Variants in ACSL5 observed in about 807,000 individuals in gnomAD.
ACSL5 encodes the protein long-chain-fatty-acid--CoA ligase 5.
In ACSL5, 50 loss-of-function variants were observed where a neutral mutation model predicts 84.9. That is an observed-to-expected ratio of 0.59 (90% CI 0.47 to 0.75). The LOEUF is 0.75. Among genes scored for constraint, ACSL5 ranks in the 30% least tolerant of loss-of-function variants. The probability of loss-of-function intolerance (pLI) is 0.00; values close to 1 mark genes in which losing one functional copy is unlikely to be tolerated. For synonymous variants in ACSL5, 280 were observed against 300.7 expected (o/e 0.93, Z 0.71); for missense variants, 775 against 830.4 (o/e 0.93, Z 0.82).
chr10:112,401,776 T>C (rs982015968), intron 3 of ACSL5, among the ~76,000 whole-genome samples: 11 of 137,558 alleles, frequency 8.0e-5, no homozygotes, highest in African/African-American at 2.6e-4. Context: ...TTCTTTCTTT[T>C]TCTTTCTTTC....
chr10:112,390,745 A>T (rs2133583403), intron 1 of ACSL5, among the ~76,000 whole-genome samples: 1 of 152,330 alleles, frequency 6.6e-6, no homozygotes, highest in South Asian at 2.1e-4. Flanking sequence ...CCATAAAAAG[A>T]AACGAAGTAC....
chr10:112,421,908 G>A (rs1844474401), intron 15 of ACSL5, 39 bp from the exon 16 acceptor site: 2 of 1,580,376 alleles, frequency 1.3e-6, no homozygotes, highest in Non-Finnish European at 1.7e-6. Flanking sequence ...TTATCACCAT[G>A]CAAGAGTTTC....
At chr10:112,380,529 C>T (rs929581405) in intron 1 of ACSL5, among the ~76,000 whole-genome samples, 1 of 151,880 alleles carries the variant, frequency 6.6e-6, no homozygotes, top group African/African-American at 2.4e-5. Context: ...CACCATTTCC[C>T]TCCCCTAAAT....
At chr10:112,410,433 T>A in intron 7 of ACSL5, 30 bp from the exon 8 acceptor site, 1 of 1,613,854 alleles carries the variant, frequency 6.2e-7, no homozygotes, top group Non-Finnish European at 8.5e-7. Context: ...TCAACTAATG[T>A]CTTTCTTTCT....
At chr10:112,407,158 G>T (rs139340903) in intron 5 of ACSL5, among the ~76,000 whole-genome samples, 1 of 152,006 alleles carries the variant, frequency 6.6e-6, no homozygotes, top group African/African-American at 2.4e-5. Context: ...CCTCCCCCTG[G>T]GTCCCTCCCA....
Position 112,399,055 on chromosome 10 carries a change from C to T in ACSL5, c.265+46C>T, listed in dbSNP as rs1463679997. The T allele has an allele frequency of 1.1e-5, 17 of 1,491,588 alleles. No homozygotes were observed. In the East Asian group the frequency reaches 3.6e-4, roughly 32 times the overall value. The allele number at this position is 1,491,588 out of a possible 1,614,324, so 92.4% of individuals were successfully genotyped here. A position where few individuals can be genotyped will look rare whatever the true frequency, so the allele number is the denominator to read the frequency against. ...TTGCCTGAAGAAGACAAGGTGAGGT[C>T]TGTGGCCCATCTCTCTTTCTCTGTC... On this transcript the variant is annotated intron_variant, in intron 3 of 20. Transcript: ENST00000354655.
At chr10:112,385,893 T>C (rs1056896438) in intron 1 of ACSL5, among the ~76,000 whole-genome samples, 3 of 152,208 alleles carry the variant, frequency 2.0e-5, no homozygotes, top group Non-Finnish European at 4.4e-5. Flanking sequence ...AGAAAATCTC[T>C]CCATACTTTT....
intron 1 of ACSL5, among the ~76,000 whole-genome samples, chr10:112,382,603 CTCCTGTAGCTTT>C (rs1173299895): frequency 6.6e-6 from 1 of 152,182 alleles, no homozygotes; most frequent in African/African-American, 2.4e-5. Context: ...TGAGCTCTGG[CTCCTGTAGCTTT>C]TCCTGTGCAA....
intron 3 of ACSL5, 126 bp from the exon 4 acceptor site, chr10:112,404,385 T>C: frequency 1.5e-6 from 1 of 688,768 alleles, no homozygotes; most frequent in Non-Finnish European, 2.5e-6. Flanking sequence ...CCTGGACATA[T>C]AATAGAAGCT....
intron 1 of ACSL5, among the ~76,000 whole-genome samples, chr10:112,391,127 C>T (rs1849553962): frequency 6.6e-6 from 1 of 152,038 alleles, no homozygotes; most frequent in Admixed American, 6.5e-5. Context: ...GCCTGTAATC[C>T]CAGCACTTTG....
intron 1 of ACSL5, among the ~76,000 whole-genome samples, chr10:112,390,061 T>C (rs907335502): frequency 6.6e-6 from 1 of 151,098 alleles, no homozygotes; most frequent in African/African-American, 2.4e-5. Context: ...AGACACCATA[T>C]CTAAAATAAA....
chr10:112,397,099 G>A (rs969944018), intron 2 of ACSL5, among the ~76,000 whole-genome samples: 9 of 151,910 alleles, frequency 5.9e-5, no homozygotes, highest in African/African-American at 2.2e-4. Flanking sequence ...TAGCTCCAGG[G>A]TCCATCCCAG....
intron 1 of ACSL5, among the ~76,000 whole-genome samples, chr10:112,380,715 A>C (rs1849333680): frequency 6.6e-6 from 1 of 152,210 alleles, no homozygotes; most frequent in Non-Finnish European, 1.5e-5. Context: ...GGTTGGAATC[A>C]TAGTTGAGAT....
intron 1 of ACSL5, among the ~76,000 whole-genome samples, chr10:112,386,181 C>CTTTTTTTTTTTT (rs11286757): frequency 1.4e-5 from 1 of 71,796 alleles, no homozygotes; most frequent in African/African-American, 5.6e-5. Context: ...TCCTATAGCT[C>CTTTTTTTTTTTT]TTTTTTTTTT....
rs1010262846 is a variant in ACSL5 at position 112,420,720 on chromosome 10, C to CT, written c.1315-863dup. Among the ~76,000 whole-genome samples, 496 of 148,700 alleles carry CT rather than the reference C, an allele frequency of 3.3e-3. 3 individuals carry two copies. Among genetic ancestry groups the CT allele is most frequent in the African/African-American group, 0.012 (469 of 40,536 alleles). ...TGCTGCATTTTCTTTTCTTTTTTTT[C>CT]TTTTTTTTTTCTTTTGAGATGTAGT... On this transcript the variant is annotated intron_variant, in intron 14 of 20. Transcript: ENST00000354655.
intron 14 of ACSL5, chr10:112,419,294 C>A (rs772508415): frequency 9.9e-5 from 15 of 152,070 alleles, no homozygotes; most frequent in Non-Finnish European, 1.8e-4. Flanking sequence ...AGTTTTGTTT[C>A]TTTTATTTAC....
rs766199560 is a variant in ACSL5 at position 112,409,582 on chromosome 10, C to T, written c.608C>T (p.Thr203Ile). Residue 203 changes from threonine to isoleucine, a missense_variant, in exon 7 of 21, where the codon ACC (threonine) becomes ATC (isoleucine). Physicochemically the swap from Thr to Ile is moderately conservative, Grantham distance 89. Coordinates refer to ENST00000354655, the MANE Select transcript of ACSL5 (RefSeq NM_203379.2). Reference protein sequence around the residue: ...VLIGNVEKGFTPSLKVIILMD... With the variant: ...VLIGNVEKGFIPSLKVIILMD... ...ATAGGGAATGTAGAGAAAGGCTTCA[C>T]CCCGAGCCTGAAGGTGATCATCCTT... The T allele has an allele frequency of 4.2e-5, 67 of 1,613,978 alleles. No homozygotes were observed. Among genetic ancestry groups the T allele is most frequent in the Non-Finnish European group, 1.0e-5 (12 of 1,180,008 alleles).
At chr10:112,390,260 G>T (rs562767739) in intron 1 of ACSL5, among the ~76,000 whole-genome samples, 1 of 147,044 alleles carries the variant, frequency 6.8e-6, no homozygotes, top group South Asian at 2.1e-4. Context: ...AATACAAATG[G>T]CCAAGAAGCA....
In ACSL5 at chr10:112,398,906, A is replaced by C. The variant is rs768451532; in HGVS notation, c.162A>C (p.Gly54=). The C allele has an allele frequency of 3.7e-6, 6 of 1,613,824 alleles. No individual in the cohort carries two copies. Among genetic ancestry groups the C allele is most frequent in the Admixed American group, 1.7e-5 (1 of 59,972 alleles). Residue 54 remains glycine, a synonymous_variant, in exon 3 of 21, where the codon GGA becomes GGC. Transcript: ENST00000354655. ...LNNQSVGIEG[G]ARKGVSQKNN... is the part of the protein sequence containing the mutation. The stretch of plus-strand genomic sequence containing the variant: ...AACTTGGTCTTGTGTCTTAGGGAGG[A>C]GCACGGAAGGGGGTTTCCCAGAAGA...
Sources: allele counts gnomAD v4.1 joint callset (sites outside exome capture counted in the v4.1 genomes callset), GRCh38; gene constraint gnomAD v4.1.1; transcripts MANE v1.5; gene names NCBI Gene and HGNC (gene_info 2026-07-23, HGNC 2026-07-21).